Variants in ZNF704 observed in about 807,000 individuals in gnomAD.
ZNF704 encodes glucocorticoid induced gene 1.
Under a neutral mutation model 44.7 loss-of-function variants are expected in ZNF704, and 10 were observed. That is an observed-to-expected ratio of 0.22 (90% CI 0.14 to 0.38). The LOEUF is 0.38. Ranked by LOEUF, ZNF704 falls within the 10% of genes least tolerant of loss-of-function variation. ZNF704 has a pLI of 1.00. For missense variants in ZNF704, 390 were observed against 545.5 expected, an observed-to-expected ratio of 0.71 and a Z score of 2.84; for synonymous variants, 211 against 207.6, an observed-to-expected ratio of 1.02 and a Z score of -0.14.
At chr8:80,884,098 A>G in the ZNF704 span, among the ~76,000 whole-genome samples, 1 of 152,246 alleles carries the variant, frequency 6.6e-6, no homozygotes. Context: ...GCCTGTTAAT[A>G]TGAAAAAATT....
intron 1 of ZNF704, among the ~76,000 whole-genome samples, chr8:80,869,807 A>G (rs1420834083): frequency 6.6e-6 from 1 of 152,252 alleles, no homozygotes; most frequent in Non-Finnish European, 1.5e-5. Context: ...GCAAGGCTCC[A>G]TCTTGCTGGC....
chr8:80,774,689 C>G (rs767697009), intron 2 of ZNF704, among the ~76,000 whole-genome samples: 1 of 152,172 alleles, frequency 6.6e-6, no homozygotes, highest in African/African-American at 2.4e-5. Context: ...GGGTAGATGT[C>G]TGGGTTCCCC....
At chr8:80,884,163 C>T in the ZNF704 span, among the ~76,000 whole-genome samples, 85 of 152,280 alleles carry the variant, frequency 5.6e-4, no homozygotes, top group African/African-American at 1.9e-3. Context: ...ACTTACCATA[C>T]TTGCCAGGAT....
chr8:80,861,412 T>C (rs758286724), intron 1 of ZNF704, among the ~76,000 whole-genome samples: 4 of 152,194 alleles, frequency 2.6e-5, no homozygotes, highest in Non-Finnish European at 5.9e-5. Flanking sequence ...GAATAAAGTG[T>C]TATTGGCAAT....
chr8:80,872,010 C>T (rs755940714), intron 1 of ZNF704, among the ~76,000 whole-genome samples: 1 of 152,180 alleles, frequency 6.6e-6, no homozygotes. Flanking sequence ...CTATATTAAG[C>T]TTGTTTTCAT....
At chr8:80,719,303 T>G (rs1206225931) in intron 2 of ZNF704, among the ~76,000 whole-genome samples, 1 of 152,064 alleles carries the variant, frequency 6.6e-6, no homozygotes, top group African/African-American at 2.4e-5. Flanking sequence ...TAATGAACAA[T>G]TTACTGAGGT....
chr8:80,724,799 T>G (rs985545071), intron 2 of ZNF704, among the ~76,000 whole-genome samples: 1 of 152,142 alleles, frequency 6.6e-6, no homozygotes, highest in East Asian at 1.9e-4. Context: ...GTCCTTCCCC[T>G]CAAAACGATA....
At chr8:80,867,051 C>T (rs1809168016) in intron 1 of ZNF704, among the ~76,000 whole-genome samples, 1 of 152,170 alleles carries the variant, frequency 6.6e-6, no homozygotes, top group Non-Finnish European at 1.5e-5. Context: ...AGAAGAGGCT[C>T]TAACAGTTGA....
chr8:80,750,704 G>A (rs1036443489), intron 2 of ZNF704, among the ~76,000 whole-genome samples: 13 of 151,986 alleles, frequency 8.6e-5, no homozygotes, highest in African/African-American at 1.9e-4. Context: ...TAGTAGAGAC[G>A]GGGTTTCACC....
At chr8:80,845,593 T>C (rs911841694) in intron 1 of ZNF704, among the ~76,000 whole-genome samples, 2 of 152,212 alleles carry the variant, frequency 1.3e-5, no homozygotes, top group Non-Finnish European at 2.9e-5. Flanking sequence ...TTAAAGATTG[T>C]GGACTTTACT....
intron 7 of ZNF704, among the ~76,000 whole-genome samples, chr8:80,645,381 A>T (rs1817813416): frequency 6.6e-6 from 1 of 152,210 alleles, no homozygotes; most frequent in Admixed American, 6.5e-5. Flanking sequence ...GCTTTTCTCT[A>T]GTACAGGTAT....
At chr8:80,812,610 T>A (rs903198174) in intron 2 of ZNF704, 12 of 152,462 alleles carry the variant, frequency 7.9e-5, no homozygotes, top group African/African-American at 2.9e-4. Flanking sequence ...GGATCTCCTT[T>A]GCTCCTGTTT....
intron 2 of ZNF704, among the ~76,000 whole-genome samples, chr8:80,788,791 C>T (rs1423480942): frequency 1.3e-5 from 2 of 152,052 alleles, no homozygotes; most frequent in Non-Finnish European, 2.9e-5. Flanking sequence ...TTGTTTAAGC[C>T]ACTCTTTAGT....
At chr8:80,882,706 T>C in the ZNF704 span, among the ~76,000 whole-genome samples, 25 of 152,326 alleles carry the variant, frequency 1.6e-4, no homozygotes, top group African/African-American at 5.5e-4. Context: ...CCTTCAATTT[T>C]GATTTCCTTT....
intron 2 of ZNF704, among the ~76,000 whole-genome samples, chr8:80,809,256 A>T (rs75981867): frequency 0.046 from 6,947 of 152,252 alleles, 557 homozygotes; most frequent in African/African-American, 0.16. Flanking sequence ...GTGCCACTGC[A>T]CTCCAGCCTG....
intron 2 of ZNF704, among the ~76,000 whole-genome samples, chr8:80,761,315 CAGGA>C (rs1203089889): frequency 6.6e-6 from 1 of 152,172 alleles, no homozygotes; most frequent in Non-Finnish European, 1.5e-5. Flanking sequence ...TGTTATAGAG[CAGGA>C]AAGAACTAGT....
At chr8:80,702,508 C>T (rs752619283) in intron 2 of ZNF704, among the ~76,000 whole-genome samples, 2 of 152,024 alleles carry the variant, frequency 1.3e-5, no homozygotes, top group African/African-American at 2.4e-5. Context: ...TAGCCCTATG[C>T]CAGGTTTTAC....
chr8:80,847,135 T>C (rs1262879890), intron 1 of ZNF704, among the ~76,000 whole-genome samples: 1 of 152,144 alleles, frequency 6.6e-6, no homozygotes, highest in Non-Finnish European at 1.5e-5. Flanking sequence ...ACTGAGCCAC[T>C]GTACTCCAGT....
chr8:80,768,684 C>G (rs1367822863), intron 2 of ZNF704, among the ~76,000 whole-genome samples: 1 of 152,090 alleles, frequency 6.6e-6, no homozygotes, highest in African/African-American at 2.4e-5. Context: ...TAACTCAACT[C>G]CATCCAGTGG....
Sources: allele counts gnomAD v4.1 joint callset (sites outside exome capture counted in the v4.1 genomes callset), GRCh38; gene constraint gnomAD v4.1.1; transcripts MANE v1.5; gene names NCBI Gene and HGNC (gene_info 2026-07-23, HGNC 2026-07-21).